Variants in CCDC50 observed in about 807,000 individuals in gnomAD.
CCDC50 encodes coiled-coil domain-containing protein 50.
Under a neutral mutation model 70.2 loss-of-function variants are expected in CCDC50, and 54 were observed. That is an observed-to-expected ratio of 0.77 (90% confidence interval 0.62 to 0.96). The LOEUF (loss-of-function observed/expected upper bound fraction) is 0.96, where lower values mean the gene tolerates loss of function less well. Among genes scored for constraint, CCDC50 ranks in the 50% least tolerant of loss-of-function variants. The probability of loss-of-function intolerance (pLI) is 0.00; values close to 1 mark genes in which losing one functional copy is unlikely to be tolerated. For missense variants in CCDC50, 558 were observed against 578.7 expected, an observed-to-expected ratio of 0.96 and a Z score of 0.37; for synonymous variants, 216 against 198.8, an observed-to-expected ratio of 1.09 and a Z score of -0.73.
intron 1 of CCDC50, among the ~76,000 whole-genome samples, chr3:191,333,663 T>A (rs1193332223): frequency 6.6e-6 from 1 of 152,186 alleles, no homozygotes; most frequent in Non-Finnish European, 1.5e-5. Flanking sequence ...CAGCAACTAT[T>A]CAGTAAATAT....
At chr3:191,332,454 C>G (rs1718023095) in intron 1 of CCDC50, among the ~76,000 whole-genome samples, 1 of 152,120 alleles carries the variant, frequency 6.6e-6, no homozygotes, top group Non-Finnish European at 1.5e-5. Flanking sequence ...TTTGGAACAT[C>G]TGTATACTTT....
chr3:191,373,952 G>A (rs1010499668), intron 5 of CCDC50, among the ~76,000 whole-genome samples: 5 of 152,076 alleles, frequency 3.3e-5, no homozygotes, highest in African/African-American at 9.7e-5. Flanking sequence ...AAAGGAAAAC[G>A]TATAGTTTTT....
intron 4 of CCDC50, among the ~76,000 whole-genome samples, chr3:191,366,312 C>T (rs561837387): frequency 1.4e-4 from 22 of 152,072 alleles, no homozygotes; most frequent in Non-Finnish European, 2.4e-4. Context: ...TTAAAATTAC[C>T]TTTCTCTAGT....
At chr3:191,335,894 G>A (rs1264463263) in intron 1 of CCDC50, among the ~76,000 whole-genome samples, 2 of 152,040 alleles carry the variant, frequency 1.3e-5, no homozygotes, top group Admixed American at 1.3e-4. Context: ...TCAAGATACA[G>A]AACAGTTCCT....
intron 1 of CCDC50, 94 bp from the exon 2 acceptor site, chr3:191,356,994 A>G: frequency 1.3e-6 from 1 of 791,984 alleles, no homozygotes. Context: ...ATTAGAATTG[A>G]TTTTTTTTAA....
intron 11 of CCDC50, 84 bp from the exon 12 acceptor site, chr3:191,391,657 A>AT: frequency 8.4e-7 from 1 of 1,185,618 alleles, no homozygotes; most frequent in Non-Finnish European, 1.2e-6. Flanking sequence ...AAATAAAGTT[A>AT]TTTTACTTGG....
At chr3:191,388,585 A>C (rs1169762963) in intron 10 of CCDC50, among the ~76,000 whole-genome samples, 1 of 152,182 alleles carries the variant, frequency 6.6e-6, no homozygotes, top group Non-Finnish European at 1.5e-5. Flanking sequence ...GGAAAGATTT[A>C]TTGCATGGCG....
chr3:191,380,932 G>A lies in CCDC50; in HGVS notation c.1242G>A (p.Lys414=). The A allele has an allele frequency of 6.2e-7, 1 of 1,609,878 alleles. No homozygotes were observed. Among genetic ancestry groups the A allele is most frequent in the Non-Finnish European group, 8.5e-7 (1 of 1,177,206 alleles). ...LDKRKQDPEW[K]PKTAKAANSK... is the part of the protein sequence containing the mutation. ...AAAGAAAGCAAGACCCCGAGTGGAA[G>A]GTAGAGTGTGTTTTGTTTGTTTTCT... The change falls in exon 9 of 12, where the codon AAG becomes AAA. Residue 414 remains lysine (K), a splice_region_variant and synonymous_variant. Transcript: ENST00000392455.
intron 5 of CCDC50, among the ~76,000 whole-genome samples, chr3:191,371,805 A>T (rs115896235): frequency 1.1e-4 from 16 of 152,228 alleles, no homozygotes; most frequent in Admixed American, 9.2e-4. Context: ...TGATGAATCT[A>T]TATGTTATGT....
At chr3:191,354,505 A>G (rs1028086328) in intron 1 of CCDC50, among the ~76,000 whole-genome samples, 1 of 152,198 alleles carries the variant, frequency 6.6e-6, no homozygotes, top group East Asian at 1.9e-4. Context: ...ATAATTTTTA[A>G]TTTTAGTTAG....
chr3:191,379,987 TC>T (rs1205209430), intron 6 of CCDC50, among the ~76,000 whole-genome samples, 171 bp from the exon 7 acceptor site: 3 of 152,114 alleles, frequency 2.0e-5, no homozygotes, highest in Admixed American at 1.3e-4. Context: ...CATTGCCACT[TC>T]CATTCCTAGG....
In CCDC50 at chr3:191,391,834, C is replaced by T. The variant is rs556296432; in HGVS notation, c.*74C>T. On this transcript the variant is annotated 3_prime_UTR_variant, in exon 12 of 12. Coordinates refer to ENST00000392455, the MANE Select transcript of CCDC50 (RefSeq NM_178335.3). The stretch of plus-strand genomic sequence containing the variant: ...TGGGTGATACAGAATGAATTCTACA[C>T]TTACTTTTTTTCTCCTGTGTTTGCA... 1.5e-6 allele frequency: 2 copies of T among 1,370,648 alleles called. No homozygotes were observed. Among genetic ancestry groups the T allele is most frequent in the South Asian group, 2.4e-5 (2 of 81,962 alleles). The allele number at this position is 1,370,648 out of a possible 1,614,324, so 84.9% of individuals were successfully genotyped here.
intron 1 of CCDC50, among the ~76,000 whole-genome samples, chr3:191,337,705 A>T (rs768605243): frequency 6.6e-6 from 1 of 152,138 alleles, no homozygotes; most frequent in Non-Finnish European, 1.5e-5. Context: ...TCAAAATCAA[A>T]TGTAGGTAGA....
chr3:191,367,147 GGGTGCTAA>G (rs1712722634), intron 4 of CCDC50, among the ~76,000 whole-genome samples: 1 of 151,990 alleles, frequency 6.6e-6, no homozygotes, highest in South Asian at 2.1e-4. Context: ...AAAAAGGTTT[GGGTGCTAA>G]GGTGCATGAC....
At chr3:191,352,102 A>T (rs895148706) in intron 1 of CCDC50, among the ~76,000 whole-genome samples, 1 of 142,186 alleles carries the variant, frequency 7.0e-6, no homozygotes, top group Non-Finnish European at 1.6e-5. Context: ...TCCAGTGTTT[A>T]TGACTTCAAA....
intron 1 of CCDC50, among the ~76,000 whole-genome samples, chr3:191,354,446 T>G (rs1335522563): frequency 6.6e-6 from 1 of 152,214 alleles, no homozygotes; most frequent in Non-Finnish European, 1.5e-5. Context: ...TTTTTAAAAT[T>G]ATTGTAGTTC....
rs565047768 is a variant in CCDC50, at chr3:191,373,026, T to G, written c.449-2036T>G. On this transcript the variant is annotated intron_variant, in intron 5 of 11. Transcript: ENST00000392455. ...ATGTAATATTTTGTGTATCTTATTT[T>G]GAAAGCCAAACATGGAGGCACTCAT... Among the ~76,000 whole-genome samples, 3 of 152,216 alleles carry G rather than the reference T, an allele frequency of 2.0e-5. No individual in the cohort carries two copies. In the South Asian group the frequency reaches 6.2e-4, roughly 32 times the overall value.
At chr3:191,370,197 T>C (rs73185224) in intron 5 of CCDC50, 161 bp downstream of exon 5, 6,460 of 642,148 alleles carry the variant, frequency 0.01, 55 homozygotes, top group Non-Finnish European at 0.014. Flanking sequence ...TTGAATCTAA[T>C]AAATTCATGT....
chr3:191,367,430 C>T (rs1163614763), intron 4 of CCDC50, among the ~76,000 whole-genome samples: 1 of 152,046 alleles, frequency 6.6e-6, no homozygotes, highest in African/African-American at 2.4e-5. Context: ...TCTCTTTTCT[C>T]CAAATGTTAA....
Sources: allele counts gnomAD v4.1 joint callset (sites outside exome capture counted in the v4.1 genomes callset), GRCh38; gene constraint gnomAD v4.1.1; transcripts MANE v1.5; gene names NCBI Gene and HGNC (gene_info 2026-07-23, HGNC 2026-07-21).